Variants in UST observed in about 807,000 individuals in gnomAD.
The protein encoded by UST is chondroitin sulfate 2-O-sulfotransferase.
Under a neutral mutation model 45.6 loss-of-function variants are expected in UST, and 21 were observed. That is an observed-to-expected ratio of 0.46 (90% CI 0.33 to 0.66). UST has a LOEUF of 0.66. UST is among the 30% of genes least tolerant of loss of function. UST has a pLI of 0.02. For missense variants in UST, 463 were observed against 512.4 expected (o/e 0.90, Z 0.93); for synonymous variants, 215 against 200.6 (o/e 1.07, Z -0.61).
chr6:149,023,150 G>GTGTGTGT (rs71007933), intron 7 of UST, among the ~76,000 whole-genome samples: 2 of 138,566 alleles, frequency 1.4e-5, no homozygotes, highest in African/African-American at 5.3e-5. Flanking sequence ...GTGTGTGTGT[G>GTGTGTGT]GTGTGGTGTG....
At position 149,075,776 on chromosome 6, in the gene UST, C is replaced by G. The variant is rs953525911; in HGVS notation, c.*1660C>G. The G allele has an allele frequency of 2.0e-5, 3 of 152,194 alleles. No homozygotes were observed. The highest frequency in any genetic ancestry group is 7.2e-5 in the African/African-American group (3 of 41,428). The allele number at this position is 152,194 out of a possible 1,614,324, so 9.4% of individuals were successfully genotyped here. A position where few individuals can be genotyped will look rare whatever the true frequency, so the allele number is the denominator to read the frequency against. On this transcript the variant is annotated 3_prime_UTR_variant, in exon 8 of 8. Transcript: ENST00000367463. ...CAAATTTTGTCTATTTCATATTTGT[C>G]CCCTAGAGCCAGCCCTAGCAAATGT...
intron 1 of UST, among the ~76,000 whole-genome samples, chr6:148,808,158 G>A (rs1241610340): frequency 6.6e-6 from 1 of 152,116 alleles, no homozygotes; most frequent in East Asian, 1.9e-4. Context: ...AGAGACATTC[G>A]TGGTGGAATC....
At chr6:149,054,874 T>C (rs1472145898) in intron 7 of UST, among the ~76,000 whole-genome samples, 2 of 152,156 alleles carry the variant, frequency 1.3e-5, no homozygotes, top group African/African-American at 4.8e-5. Flanking sequence ...CAGACTGGAG[T>C]ACAGTGGTGC....
chr6:149,005,199 G>T, intron 5 of UST: 4 of 679,190 alleles, frequency 5.9e-6, no homozygotes, highest in Non-Finnish European at 7.3e-6. Flanking sequence ...TAGGGCAGGA[G>T]GTCTTGGAGC....
intron 1 of UST, among the ~76,000 whole-genome samples, chr6:148,857,662 C>CTT: frequency 6.6e-6 from 1 of 151,032 alleles, no homozygotes; most frequent in Admixed American, 6.6e-5. Context: ...TTGAAGTGCT[C>CTT]TTACCCCTTA....
intron 5 of UST, among the ~76,000 whole-genome samples, chr6:148,978,715 T>A (rs1781071671): frequency 6.6e-6 from 1 of 152,088 alleles, no homozygotes; most frequent in Non-Finnish European, 1.5e-5. Flanking sequence ...GACAAATACC[T>A]AATACATGCG....
intron 1 of UST, among the ~76,000 whole-genome samples, chr6:148,767,931 G>A (rs1776351438): frequency 6.6e-6 from 1 of 151,946 alleles, no homozygotes; most frequent in African/African-American, 2.4e-5. Flanking sequence ...TTGATATTTG[G>A]CCCATTTCTA....
At chr6:148,940,091 A>T (rs1780094889) in intron 2 of UST, among the ~76,000 whole-genome samples, 1 of 152,246 alleles carries the variant, frequency 6.6e-6, no homozygotes, top group Non-Finnish European at 1.5e-5. Flanking sequence ...CAATAAGCAC[A>T]TGAAAAAATG....
At chr6:148,890,821 C>T (rs1779003778) in intron 2 of UST, among the ~76,000 whole-genome samples, 1 of 152,182 alleles carries the variant, frequency 6.6e-6, no homozygotes, top group Non-Finnish European at 1.5e-5. Context: ...CCACATTTTA[C>T]CACTACTTTG....
intron 2 of UST, among the ~76,000 whole-genome samples, chr6:148,894,518 G>T (rs563320195): frequency 6.6e-6 from 1 of 152,240 alleles, no homozygotes; most frequent in East Asian, 1.9e-4. Context: ...AGCCACCAAC[G>T]AGCAGAGAAG....
At chr6:148,884,063 A>G (rs569177748) in intron 1 of UST, among the ~76,000 whole-genome samples, 25 of 151,102 alleles carry the variant, frequency 1.7e-4, no homozygotes, top group Non-Finnish European at 2.1e-4. Flanking sequence ...AACCCGGGAG[A>G]CGGAGGTTGC....
chr6:148,976,099 C>T (rs1006324670), intron 5 of UST, among the ~76,000 whole-genome samples: 1 of 152,062 alleles, frequency 6.6e-6, no homozygotes, highest in Non-Finnish European at 1.5e-5. Flanking sequence ...GACTAATTCC[C>T]CATTGAAAAA....
chr6:148,985,376 A>T (rs966628444), intron 5 of UST, among the ~76,000 whole-genome samples: 1 of 141,810 alleles, frequency 7.1e-6, no homozygotes, highest in Non-Finnish European at 1.6e-5. Flanking sequence ...CCAACTGAGG[A>T]CTTTGAAGCA....
intron 1 of UST, among the ~76,000 whole-genome samples, chr6:148,799,516 A>G (rs2114714760): frequency 6.6e-6 from 1 of 152,282 alleles, no homozygotes; most frequent in Middle Eastern, 3.4e-3. Flanking sequence ...CTCTACTCTC[A>G]GGGGTCCCTT....
chr6:148,830,683 C>T (rs560212176), intron 1 of UST, among the ~76,000 whole-genome samples: 13 of 152,288 alleles, frequency 8.5e-5, no homozygotes, highest in South Asian at 6.2e-4. Flanking sequence ...CAAGAAATTA[C>T]GCTAAGTGAA....
At chr6:149,056,210 G>C (rs1776564777) in intron 7 of UST, among the ~76,000 whole-genome samples, 1 of 114,314 alleles carries the variant, frequency 8.7e-6, no homozygotes, top group South Asian at 2.9e-4. Flanking sequence ...TGCCTCCCGG[G>C]TTCAAGCGAC....
chr6:148,973,170 GTTGTA>G (rs746132399), intron 5 of UST, among the ~76,000 whole-genome samples: 60 of 152,262 alleles, frequency 3.9e-4, no homozygotes, highest in Middle Eastern at 6.8e-3. Flanking sequence ...AATATTATGT[GTTGTA>G]TTTATGAATA....
rs144217980 is a variant in UST, at chr6:148,923,861, T to G, written c.292-17418T>G. Among the ~76,000 whole-genome samples, 408 of 152,330 alleles carry G rather than the reference T, an allele frequency of 2.7e-3. 17 individuals are homozygous for G. The East Asian group carries it at 0.066, about 25-fold the overall frequency. On this transcript the variant is annotated intron_variant, in intron 2 of 7. Transcript: ENST00000367463. ...GCTTGGAAGCCAGATAGGCCGGGGT[T>G]CCTGTTTTCAGCTGGGCTGAGGGCT...
intron 1 of UST, among the ~76,000 whole-genome samples, chr6:148,874,054 G>T (rs1020988369): frequency 3.3e-5 from 5 of 152,252 alleles, no homozygotes; most frequent in African/African-American, 1.2e-4. Context: ...CAGGGCTGGG[G>T]CTGCTGCGTT....
Sources: gnomAD v4.1 joint callset for allele counts (sites outside exome capture counted in the v4.1 genomes callset) on GRCh38, gnomAD v4.1.1 for gene constraint, MANE v1.5 for transcripts, NCBI Gene and HGNC (gene_info 2026-07-23, HGNC 2026-07-21) for gene names.